SMYD3: variants seen among roughly 807,000 people sequenced by gnomAD.
SMYD3 encodes the protein SET and MYND domain containing 3.
A neutral mutation model predicts 57.7 loss-of-function variants in SMYD3; 36 were observed. That is an observed-to-expected ratio of 0.62 (90% CI 0.48 to 0.82). The LOEUF (loss-of-function observed/expected upper bound fraction) is 0.82. Among genes scored for constraint, SMYD3 ranks in the 40% least tolerant of loss-of-function variants. SMYD3 has a pLI of 0.00. For synonymous variants in SMYD3, 211 were observed against 195.0 expected, an observed-to-expected ratio of 1.08 and a Z score of -0.68; for missense variants, 515 against 538.8, an observed-to-expected ratio of 0.96 and a Z score of 0.44.
At chr1:246,433,883 C>T (rs1388425254) in intron 1 of SMYD3, among the ~76,000 whole-genome samples, 3 of 152,064 alleles carry the variant, frequency 2.0e-5, no homozygotes, top group Non-Finnish European at 2.9e-5. Context: ...TACTATAAGG[C>T]CAAACAGTAA....
chr1:245,968,610 T>C (rs531472044), intron 5 of SMYD3, among the ~76,000 whole-genome samples: 172 of 152,322 alleles, frequency 1.1e-3, no homozygotes, highest in Non-Finnish European at 1.9e-3. Context: ...TAAAGCCAGA[T>C]ATTCATGGAT....
chr1:246,379,342 T>C (rs2340776), intron 1 of SMYD3, among the ~76,000 whole-genome samples: 7,193 of 152,150 alleles, frequency 0.047, 218 homozygotes, highest in Non-Finnish European at 0.064. Context: ...CACGGTTTTA[T>C]TATTAAGATT....
At chr1:245,794,138 A>C (rs1255073223) in intron 10 of SMYD3, among the ~76,000 whole-genome samples, 1 of 152,260 alleles carries the variant, frequency 6.6e-6, no homozygotes, top group Non-Finnish European at 1.5e-5. Flanking sequence ...ACACAGGGAA[A>C]GCAGTTGTGT....
Position 245,797,543 on chromosome 1 carries a change from G to A in SMYD3, c.1077-33394C>T, listed in dbSNP as rs533413034. Among the ~76,000 whole-genome samples, 116 of 130,964 alleles carry A rather than the reference G, an allele frequency of 8.9e-4. 2 individuals are homozygous for A. Among genetic ancestry groups the A allele is most frequent in the Non-Finnish European group, 1.5e-3 (92 of 62,474 alleles). The allele number at this position is 130,964 out of a possible 152,430, so 85.9% of individuals were successfully genotyped here. ...GCCTGTGGTGGGGTGGGGGGAGGGG[G>A]TAGGATAGCATTAGGAGATATACCT... On this transcript the variant is annotated intron_variant, in intron 10 of 11. Coordinates refer to ENST00000490107, the MANE Select transcript of SMYD3 (RefSeq NM_001167740.2).
chr1:245,959,580 G>A lies in SMYD3; in HGVS notation c.532-29643C>T, dbSNP rs151030105. ...TGACCAACTAGATGGTCTGTTAAAC[G>A]CCTTCCAGTGCTAAGAGAATTGCCT... On this transcript the variant is annotated intron_variant, in intron 5 of 11. Coordinates refer to ENST00000490107, the MANE Select transcript of SMYD3 (RefSeq NM_001167740.2). 4.2e-3 allele frequency among the ~76,000 whole-genome samples: 641 copies of A among 152,262 alleles called. 3 individuals are homozygous for A. Among genetic ancestry groups the A allele is most frequent in the African/African-American group, 0.014 (580 of 41,544 alleles).
In SMYD3 at chr1:246,400,330, T is replaced by C. The variant is rs559381409; in HGVS notation, c.165-45236A>G. On this transcript the variant is annotated intron_variant, in intron 1 of 11. Coordinates refer to ENST00000490107, the MANE Select transcript of SMYD3 (RefSeq NM_001167740.2). Reference sequence around the variant, plus strand: ...CTGAAACAGTATATTAAGTGCCTTTTACAAATATTCTTCGCAGCTATACCA... The same window carrying C: ...CTGAAACAGTATATTAAGTGCCTTTCACAAATATTCTTCGCAGCTATACCA... Among the ~76,000 whole-genome samples the C allele has an allele frequency of 9.8e-5, 15 of 152,390 alleles. No individual in the cohort carries two copies. The South Asian group carries it at 2.9e-3, about 29-fold the overall frequency.
intron 5 of SMYD3, among the ~76,000 whole-genome samples, chr1:245,982,874 A>G (rs1368853703): frequency 6.6e-6 from 1 of 152,224 alleles, no homozygotes; most frequent in Non-Finnish European, 1.5e-5. Context: ...CATTCTTTAC[A>G]CGAAACAAGA....
chr1:245,854,913 G>A (rs771971960), intron 10 of SMYD3, among the ~76,000 whole-genome samples: 19 of 152,278 alleles, frequency 1.2e-4, no homozygotes, highest in South Asian at 6.2e-4. Flanking sequence ...GTTTTCTGGC[G>A]AAGGTTAGGA....
chr1:246,151,369 C>CT (rs1246969166), intron 5 of SMYD3, among the ~76,000 whole-genome samples: 15 of 150,904 alleles, frequency 9.9e-5, no homozygotes, highest in Non-Finnish European at 1.9e-4. Flanking sequence ...ATCTAACTCC[C>CT]TTTTTTTTTG....
At chr1:246,032,549 C>T (rs1030355588) in intron 5 of SMYD3, among the ~76,000 whole-genome samples, 6 of 152,158 alleles carry the variant, frequency 3.9e-5, no homozygotes, top group African/African-American at 1.4e-4. Context: ...TGAGCAACAA[C>T]CTCTCACCAA....
chr1:246,450,044 T>C (rs1433958190), intron 1 of SMYD3, among the ~76,000 whole-genome samples: 2 of 152,086 alleles, frequency 1.3e-5, no homozygotes, highest in East Asian at 3.9e-4. Flanking sequence ...TCCCAGCACT[T>C]TGGGAGGCCG....
At chr1:246,073,075 TACA>T (rs1036726646) in intron 5 of SMYD3, among the ~76,000 whole-genome samples, 2 of 152,236 alleles carry the variant, frequency 1.3e-5, no homozygotes, top group African/African-American at 4.8e-5. Flanking sequence ...TGACTGCAGT[TACA>T]ACGATGGATG....
intron 5 of SMYD3, among the ~76,000 whole-genome samples, chr1:246,173,285 CTT>C (rs1201951480): frequency 2.4e-4 from 36 of 151,788 alleles, no homozygotes; most frequent in African/African-American, 7.5e-4. Context: ...CTACTGTAGA[CTT>C]TATCAACACT....
chr1:245,833,638 AG>A (rs1378495079), intron 10 of SMYD3, among the ~76,000 whole-genome samples: 1 of 152,240 alleles, frequency 6.6e-6, no homozygotes, highest in Non-Finnish European at 1.5e-5. Flanking sequence ...TTCCACTGCA[AG>A]GTGTAGCAAA....
intron 5 of SMYD3, among the ~76,000 whole-genome samples, chr1:246,216,265 C>A (rs1310999877): frequency 7.1e-6 from 1 of 140,696 alleles, no homozygotes; most frequent in Non-Finnish European, 1.5e-5. Context: ...CCTGCCTGGG[C>A]AGTAGAGTAA....
Position 246,355,215 on chromosome 1 carries a change from C to A in SMYD3, c.165-121G>T. ...TATGTTCTGTTTACTCCATTATGTA[C>A]AGTCCCTTAAGATTTGGATTTTCAC... On this transcript the variant is annotated intron_variant, in intron 1 of 11. Coordinates refer to ENST00000490107, the MANE Select transcript of SMYD3 (RefSeq NM_001167740.2). This position sits in a 1 kb window ranked among gnomAD's most constrained non-coding sequence, Gnocchi z 5.0. 1.1e-6 allele frequency: 1 copy of A among 929,006 alleles called. No individual in the cohort carries two copies. The highest frequency in any genetic ancestry group is 1.7e-6 in the Non-Finnish European group (1 of 597,864). The allele number at this position is 929,006 out of a possible 1,614,324, so 57.5% of individuals were successfully genotyped here. A position where few individuals can be genotyped will look rare whatever the true frequency, so the allele number is the denominator to read the frequency against.
At chr1:246,251,020 T>C (rs1463981318) in intron 5 of SMYD3, among the ~76,000 whole-genome samples, 1 of 152,228 alleles carries the variant, frequency 6.6e-6, no homozygotes, top group African/African-American at 2.4e-5. Context: ...TAAGATGTTT[T>C]GATACAGGCA....
intron 5 of SMYD3, among the ~76,000 whole-genome samples, chr1:245,991,717 C>T (rs1258418300): frequency 1.3e-5 from 2 of 152,246 alleles, no homozygotes; most frequent in Non-Finnish European, 2.9e-5. Context: ...AGATTCTGAC[C>T]AAAACAGAAG....
Position 245,920,137 on chromosome 1 carries a change from C to A in SMYD3, c.703-4497G>T, listed in dbSNP as rs564240394. The stretch of plus-strand genomic sequence containing the variant: ...GACCATCCTGGCTAACACGGTGAAA[C>A]CCCGTCTCTACTAAAAATACAAAAA... On this transcript the variant is annotated intron_variant, in intron 7 of 11. Transcript: ENST00000490107. 1.8e-4 allele frequency among the ~76,000 whole-genome samples: 27 copies of A among 152,110 alleles called. No individual in the cohort carries two copies. The South Asian group carries it at 2.3e-3, about 13-fold the overall frequency.
Sources: allele counts gnomAD v4.1 joint callset (sites outside exome capture counted in the v4.1 genomes callset), GRCh38; gene constraint gnomAD v4.1.1; non-coding constraint Gnocchi (gnomAD v3.1); transcripts MANE v1.5; gene names NCBI Gene and HGNC (gene_info 2026-07-23, HGNC 2026-07-21).